The following PARM1 variants were observed in gnomAD, a reference collection of about 807,000 sequenced individuals.
PARM1 encodes WSC4, cell wall integrity and stress response component 4 homolog.
In PARM1, 14 loss-of-function variants were observed where a neutral mutation model predicts 24.6. That is an observed-to-expected ratio of 0.57 (90% CI 0.38 to 0.89). PARM1 has a LOEUF of 0.89. PARM1 is among the 40% of genes least tolerant of loss of function. The probability of loss-of-function intolerance (pLI) is 0.00; values close to 1 mark genes in which losing one functional copy is unlikely to be tolerated. For missense variants in PARM1, 362 were observed against 380.4 expected (o/e 0.95, Z 0.40); for synonymous variants, 179 against 156.6 (o/e 1.14, Z -1.07).
At chr4:74,973,175 G>T (rs1722073693) in intron 1 of PARM1, among the ~76,000 whole-genome samples, 1 of 151,950 alleles carries the variant, frequency 6.6e-6, no homozygotes, top group Non-Finnish European at 1.5e-5. Context: ...TTTTTGGTTT[G>T]AATTTTGATT....
At chr4:74,961,194 G>C (rs1721766871) in intron 1 of PARM1, among the ~76,000 whole-genome samples, 1 of 152,108 alleles carries the variant, frequency 6.6e-6, no homozygotes, top group African/African-American at 2.4e-5. Context: ...AGACAGCTTT[G>C]AGCAGACTGA....
chr4:75,004,163 A>G (rs1457891789), intron 1 of PARM1, among the ~76,000 whole-genome samples: 1 of 152,246 alleles, frequency 6.6e-6, no homozygotes. Flanking sequence ...TTCTGCTATC[A>G]TGACTCAGCA....
At chr4:74,955,675 A>G (rs941293021) in intron 1 of PARM1, among the ~76,000 whole-genome samples, 1 of 152,144 alleles carries the variant, frequency 6.6e-6, no homozygotes, top group Non-Finnish European at 1.5e-5. Flanking sequence ...AGCTTCCAAC[A>G]CGTCGATCAC....
rs140563593 is a variant in PARM1, at chr4:75,003,879, T to TTC, written c.44-8528_44-8527dup. ...TAAATAAATAATTATCATTTTAACA[T>TTC]TCTCTCTCTCTCTCTCTCTTAAATA... On this transcript the variant is annotated intron_variant, in intron 1 of 3. Transcript: ENST00000307428. Among the ~76,000 whole-genome samples, 1,303 of 150,248 alleles carry TTC rather than the reference T, an allele frequency of 8.7e-3. 28 individuals carry two copies. Among genetic ancestry groups the TTC allele is most frequent in the African/African-American group, 0.03 (1,225 of 41,144 alleles).
chr4:74,994,701 G>A (rs933439820), intron 1 of PARM1, among the ~76,000 whole-genome samples: 1 of 151,916 alleles, frequency 6.6e-6, no homozygotes, highest in Admixed American at 6.6e-5. Flanking sequence ...CCTGAGGCAG[G>A]AGAATTGCTT....
intron 1 of PARM1, among the ~76,000 whole-genome samples, chr4:74,984,979 A>G (rs903317331): frequency 1.3e-5 from 2 of 152,210 alleles, no homozygotes; most frequent in Non-Finnish European, 2.9e-5. Flanking sequence ...AAAAAGATCC[A>G]AAGGACATGA....
At chr4:74,940,744 A>G (rs889336436) in intron 1 of PARM1, among the ~76,000 whole-genome samples, 3 of 152,218 alleles carry the variant, frequency 2.0e-5, no homozygotes, top group South Asian at 2.1e-4. Flanking sequence ...TCCATACTAT[A>G]GGACTCTTGC....
chr4:74,988,842 A>C (rs1722408568), intron 1 of PARM1, among the ~76,000 whole-genome samples: 1 of 152,222 alleles, frequency 6.6e-6, no homozygotes, highest in Non-Finnish European at 1.5e-5. Context: ...TTCTAAGATC[A>C]AAGTTAAGTT....
chr4:74,981,814 G>T (rs899966956), intron 1 of PARM1, among the ~76,000 whole-genome samples: 6 of 150,022 alleles, frequency 4.0e-5, no homozygotes, highest in African/African-American at 1.5e-4. Flanking sequence ...AGCAGAGGTT[G>T]CAGTGAGCCG....
intron 1 of PARM1, among the ~76,000 whole-genome samples, chr4:74,973,205 C>G (rs1385483058): frequency 6.6e-6 from 1 of 151,962 alleles, no homozygotes; most frequent in African/African-American, 2.4e-5. Flanking sequence ...GTTCTTCAGT[C>G]AATGAAGTAT....
rs752704203 is a variant in PARM1 at position 75,012,830 on chromosome 4, C to A, written c.449C>A (p.Ser150Tyr). The A allele has an allele frequency of 1.2e-6, 2 of 1,613,972 alleles. No homozygotes were observed. Among genetic ancestry groups the A allele is most frequent in the Non-Finnish European group, 1.7e-6 (2 of 1,179,870 alleles). Residue 150 changes from serine to tyrosine, a missense_variant, in exon 2 of 4, where the codon TCC (serine) becomes TAC (tyrosine). Coordinates refer to ENST00000307428, the MANE Select transcript of PARM1 (RefSeq NM_015393.4). Reference sequence around the variant, plus strand: ...GCTGCTGAGCCTCCCACACTCATCTCCCCTCAAGCTCCAGCCTCATCACCC... The same window carrying A: ...GCTGCTGAGCCTCCCACACTCATCTACCCTCAAGCTCCAGCCTCATCACCC... Reference protein sequence around the residue: ...QSAAEPPTLISPQAPASSPSS... With the variant: ...QSAAEPPTLIYPQAPASSPSS...
At chr4:75,000,831 T>A (rs1722666944) in intron 1 of PARM1, among the ~76,000 whole-genome samples, 2 of 152,218 alleles carry the variant, frequency 1.3e-5, no homozygotes, top group Admixed American at 1.3e-4. Context: ...TTGCTGTTAT[T>A]TCATGTTAGT....
chr4:74,953,045 A>G (rs1721558263), intron 1 of PARM1, among the ~76,000 whole-genome samples: 1 of 152,208 alleles, frequency 6.6e-6, no homozygotes, highest in African/African-American at 2.4e-5. Context: ...AAGATAGTCT[A>G]TATATTGAAG....
chr4:74,936,435 A>G (rs1408654819), intron 1 of PARM1, among the ~76,000 whole-genome samples: 1 of 11,226 alleles, frequency 8.9e-5, no homozygotes, highest in Non-Finnish European at 9.2e-4. Context: ...GTTACATTCA[A>G]GTGTTTTTTT....
At chr4:74,934,362 C>T (rs6533486) in intron 1 of PARM1, among the ~76,000 whole-genome samples, 10,888 of 152,238 alleles carry the variant, frequency 0.072, 439 homozygotes, top group Non-Finnish European at 0.088. Flanking sequence ...TAGCGCAAAC[C>T]GATTCTACTC....
chr4:75,003,801 A>G (rs565539448), intron 1 of PARM1, among the ~76,000 whole-genome samples: 1 of 152,334 alleles, frequency 6.6e-6, no homozygotes, highest in African/African-American at 2.4e-5. Flanking sequence ...AAACTTTTGT[A>G]GGTCCCTAAC....
intron 3 of PARM1, among the ~76,000 whole-genome samples, chr4:75,045,939 A>G (rs1326700141): frequency 1.3e-5 from 2 of 152,192 alleles, no homozygotes; most frequent in Non-Finnish European, 2.9e-5. Context: ...AGATGATGCC[A>G]ACAGAACATG....
chr4:74,979,157 C>T (rs566726035), intron 1 of PARM1, among the ~76,000 whole-genome samples: 1 of 151,090 alleles, frequency 6.6e-6, no homozygotes, highest in East Asian at 1.9e-4. Context: ...CAAAAAAAAA[C>T]CTTCGAAAAA....
At chr4:74,986,458 G>A (rs1432298089) in intron 1 of PARM1, among the ~76,000 whole-genome samples, 1 of 152,136 alleles carries the variant, frequency 6.6e-6, no homozygotes, top group African/African-American at 2.4e-5. Context: ...CACACCCTTT[G>A]TGTTACTCTC....
Sources: gnomAD v4.1 joint callset for allele counts (sites outside exome capture counted in the v4.1 genomes callset) on GRCh38, gnomAD v4.1.1 for gene constraint, MANE v1.5 for transcripts, NCBI Gene and HGNC (gene_info 2026-07-23, HGNC 2026-07-21) for gene names.